Variants in MAPK4 observed in about 807,000 individuals in gnomAD.
The protein encoded by MAPK4 is Erk3-related.
In MAPK4, 22 loss-of-function variants were observed where a neutral mutation model predicts 47.7. The ratio of observed to expected loss-of-function variants is 0.46; its 90% CI spans 0.33 to 0.66. The LOEUF (loss-of-function observed/expected upper bound fraction) is 0.66, where lower values mean the gene tolerates loss of function less well. MAPK4 is among the 30% of genes least tolerant of loss of function. The pLI, the probability that MAPK4 is intolerant of heterozygous loss-of-function variation, is 0.02. For synonymous variants in MAPK4, 390 were observed against 365.7 expected (o/e 1.07, Z -0.76); for missense variants, 736 against 831.7 (o/e 0.88, Z 1.42).
chr18:50,579,256 C>T (rs562989665), intron 1 of MAPK4, among the ~76,000 whole-genome samples: 11 of 152,066 alleles, frequency 7.2e-5, no homozygotes, highest in Non-Finnish European at 1.6e-4. Flanking sequence ...GTGATAAGGC[C>T]GCAGGGTACA....
At chr18:50,589,848 T>G (rs2042422134) in intron 1 of MAPK4, among the ~76,000 whole-genome samples, 1 of 152,232 alleles carries the variant, frequency 6.6e-6, no homozygotes, top group African/African-American at 2.4e-5. Context: ...AACAGAAAAT[T>G]CACAGCTGGA....
chr18:50,685,983 G>A (rs1338643755), intron 2 of MAPK4, among the ~76,000 whole-genome samples: 1 of 152,042 alleles, frequency 6.6e-6, no homozygotes, highest in Non-Finnish European at 1.5e-5. Context: ...CAATGGGAGA[G>A]CCAGGTAAGG....
intron 2 of MAPK4, among the ~76,000 whole-genome samples, chr18:50,700,666 G>A (rs1295022444): frequency 1.3e-5 from 2 of 152,244 alleles, no homozygotes; most frequent in Non-Finnish European, 1.5e-5. Context: ...CCTCAGAGCC[G>A]CACCTCCCTC....
intron 1 of MAPK4, among the ~76,000 whole-genome samples, chr18:50,561,798 A>G (rs547876593): frequency 6.6e-6 from 1 of 152,314 alleles, no homozygotes; most frequent in Admixed American, 6.5e-5. Context: ...CTGAATAGTA[A>G]AAAGGCTTGC....
At chr18:50,606,062 C>T (rs1392181257) in intron 1 of MAPK4, among the ~76,000 whole-genome samples, 4 of 47,714 alleles carry the variant, frequency 8.4e-5, no homozygotes, top group African/African-American at 2.5e-4. Context: ...AAGGAGGTGG[C>T]GGGGGCGGGG....
chr18:50,587,003 G>A, intron 1 of MAPK4, among the ~76,000 whole-genome samples: 1 of 151,960 alleles, frequency 6.6e-6, no homozygotes, highest in East Asian at 1.9e-4. Context: ...AATGACAGCT[G>A]GTAAAAAACA....
intron 2 of MAPK4, among the ~76,000 whole-genome samples, chr18:50,714,394 C>A (rs920794460): frequency 2.0e-5 from 3 of 152,192 alleles, no homozygotes; most frequent in Non-Finnish European, 4.4e-5. Context: ...TCTCAGACCA[C>A]AAATCACTGA....
intron 5 of MAPK4, among the ~76,000 whole-genome samples, chr18:50,727,310 GC>G (rs1280257854): frequency 1.3e-5 from 2 of 152,180 alleles, no homozygotes; most frequent in Non-Finnish European, 2.9e-5. Context: ...GAGTCCCACT[GC>G]CGGGGGAATG....
At chr18:50,597,402 T>C (rs1365329671) in intron 1 of MAPK4, among the ~76,000 whole-genome samples, 1 of 152,184 alleles carries the variant, frequency 6.6e-6, no homozygotes, top group Admixed American at 6.5e-5. Context: ...AAATCATGAC[T>C]CTGTCCTGCT....
At chr18:50,614,242 A>C (rs1328435531) in intron 1 of MAPK4, among the ~76,000 whole-genome samples, 3 of 152,124 alleles carry the variant, frequency 2.0e-5, no homozygotes, top group African/African-American at 7.2e-5. Flanking sequence ...ACTAGTGTTC[A>C]GTTGTCAGTA....
chr18:50,660,830 A>G (rs2043163167), intron 1 of MAPK4, among the ~76,000 whole-genome samples: 1 of 152,150 alleles, frequency 6.6e-6, no homozygotes, highest in Non-Finnish European at 1.5e-5. Flanking sequence ...GCCCACAAGA[A>G]AGGTGGAGTG....
chr18:50,632,839 CA>C (rs1419176502), intron 1 of MAPK4, among the ~76,000 whole-genome samples: 1 of 152,124 alleles, frequency 6.6e-6, no homozygotes, highest in African/African-American at 2.4e-5. Context: ...AGGCTGGTCT[CA>C]AACTCCTGAC....
At chr18:50,625,296 C>A (rs989082582) in intron 1 of MAPK4, among the ~76,000 whole-genome samples, 2 of 152,172 alleles carry the variant, frequency 1.3e-5, no homozygotes, top group Non-Finnish European at 2.9e-5. Context: ...CCTTGGTGAC[C>A]AGAATCTTGG....
chr18:50,609,763 G>A (rs1359890774), intron 1 of MAPK4, among the ~76,000 whole-genome samples: 1 of 152,114 alleles, frequency 6.6e-6, no homozygotes, highest in East Asian at 1.9e-4. Context: ...GGGAGGATTT[G>A]AATCTAGACA....
At chr18:50,571,571 A>G (rs2042250623) in intron 1 of MAPK4, among the ~76,000 whole-genome samples, 1 of 152,230 alleles carries the variant, frequency 6.6e-6, no homozygotes, top group African/African-American at 2.4e-5. Context: ...CACTTTAGGT[A>G]CAAGCCCAAA....
At chr18:50,570,613 C>T (rs145709875) in intron 1 of MAPK4, among the ~76,000 whole-genome samples, 4 of 152,298 alleles carry the variant, frequency 2.6e-5, no homozygotes, top group Admixed American at 6.5e-5. Context: ...GAGGCTGAAC[C>T]ATCAGATCCA....
intron 2 of MAPK4, among the ~76,000 whole-genome samples, chr18:50,683,558 G>C (rs1201137359): frequency 1.3e-5 from 2 of 151,720 alleles, no homozygotes; most frequent in Non-Finnish European, 2.9e-5. Flanking sequence ...CAATGAAGCT[G>C]TTTTAAAATA....
intron 1 of MAPK4, among the ~76,000 whole-genome samples, chr18:50,598,887 AAAC>A (rs934761867): frequency 2.6e-5 from 4 of 152,178 alleles, no homozygotes; most frequent in Non-Finnish European, 5.9e-5. Context: ...TTGGGGGAAG[AAAC>A]AACACAGAGG....
chr18:50,610,219 C>T (rs534468043), intron 1 of MAPK4, among the ~76,000 whole-genome samples: 1 of 152,276 alleles, frequency 6.6e-6, no homozygotes, highest in East Asian at 1.9e-4. Flanking sequence ...CAGCCGCCAC[C>T]CCCAAGGCCA....
Sources: gnomAD v4.1 joint callset for allele counts (sites outside exome capture counted in the v4.1 genomes callset) on GRCh38, gnomAD v4.1.1 for gene constraint, MANE v1.5 for transcripts, NCBI Gene and HGNC (gene_info 2026-07-23, HGNC 2026-07-21) for gene names.